PPP2R5C: variants seen among roughly 807,000 people sequenced by gnomAD.
The protein encoded by PPP2R5C is serine/threonine-protein phosphatase 2A 56 kDa regulatory subunit gamma isoform.
PPP2R5C carries 7 observed loss-of-function variants against 68.9 expected under a neutral mutation model. The observed-to-expected ratio is 0.10, with a 90% CI of 0.06 to 0.19. The LOEUF is 0.19. PPP2R5C is among the 10% of genes least tolerant of loss of function. The pLI, the probability that PPP2R5C is intolerant of heterozygous loss-of-function variation, is 1.00. For missense variants in PPP2R5C, 348 were observed against 641.3 expected (o/e 0.54, Z 4.94); for synonymous variants, 210 against 222.2 (o/e 0.95, Z 0.49).
At chr14:101,846,256 G>GC (rs1052301724) in intron 1 of PPP2R5C, among the ~76,000 whole-genome samples, 6 of 152,180 alleles carry the variant, frequency 3.9e-5, no homozygotes, top group African/African-American at 1.2e-4. Flanking sequence ...AGAAACCTGA[G>GC]CAGAGGCACA....
At chr14:101,901,619 C>A in intron 8 of PPP2R5C, 100 bp from the exon 11 acceptor site, 1 of 1,206,690 alleles carries the variant, frequency 8.3e-7, no homozygotes. Context: ...CCGTGTGTTG[C>A]CTTGCAGTGG....
chr14:101,816,910 A>AC (rs1491402836), intron 1 of PPP2R5C, among the ~76,000 whole-genome samples: 1 of 138,962 alleles, frequency 7.2e-6, no homozygotes, highest in South Asian at 2.2e-4. Context: ...ATATATATAT[A>AC]ATATATATAT....
At chr14:101,880,261 T>C (rs1012356331) in intron 2 of PPP2R5C, among the ~76,000 whole-genome samples, 9 of 152,272 alleles carry the variant, frequency 5.9e-5, no homozygotes, top group African/African-American at 2.2e-4. Flanking sequence ...CTCATACTTT[T>C]ACTAGAAGTG....
chr14:101,783,675 C>G (rs1409215132), intron 2 of PPP2R5C, among the ~76,000 whole-genome samples: 1 of 152,212 alleles, frequency 6.6e-6, no homozygotes, highest in Non-Finnish European at 1.5e-5. Context: ...TCCCAGCCCC[C>G]TAGGCTGGGC....
chr14:101,904,276 A>G (rs2045894027), intron 9 of PPP2R5C, among the ~76,000 whole-genome samples: 1 of 151,922 alleles, frequency 6.6e-6, no homozygotes, highest in African/African-American at 2.4e-5. Context: ...CAGCCTCCCA[A>G]GTAGCTGGGA....
upstream of PPP2R5C, among the ~76,000 whole-genome samples, chr14:101,809,544 T>A (rs1156732425): frequency 1.4e-5 from 2 of 145,048 alleles, no homozygotes; most frequent in Non-Finnish European, 3.0e-5. Flanking sequence ...CACAGACATA[T>A]ACACACACTT....
Position 101,917,897 on chromosome 14 carries a change from T to TTC in PPP2R5C, c.1394_1395insCT (p.Glu466LeufsTer7). The TTC allele has an allele frequency of 1.9e-6, 3 of 1,613,824 alleles. No individual in the cohort carries two copies. The highest frequency in any genetic ancestry group is 2.5e-6 in the Non-Finnish European group (3 of 1,179,828). On this transcript the variant is annotated frameshift_variant, in exon 13 of 14. Transcript: ENST00000334743. LOFTEE classifies it high-confidence loss of function. This position sits in a 1 kb window ranked among gnomAD's most constrained non-coding sequence, Gnocchi z 4.4. Reference sequence around the variant, plus strand: ...TGCAATGGAGACAGATGGGCCTTTATTTGAAGATGTGCAGATGCTGAGAAA... The same window carrying TTC: ...TGCAATGGAGACAGATGGGCCTTTATTCTTGAAGATGTGCAGATGCTGAGAAA...
At chr14:101,920,672 A>G (rs1206985181) in intron 13 of PPP2R5C, among the ~76,000 whole-genome samples, 2 of 152,362 alleles carry the variant, frequency 1.3e-5, no homozygotes, top group African/African-American at 2.4e-5. Flanking sequence ...TAAAATTCAC[A>G]TGGAAATGCA....
chr14:101,847,316 T>C (rs1032336883), intron 1 of PPP2R5C, among the ~76,000 whole-genome samples: 2 of 152,214 alleles, frequency 1.3e-5, no homozygotes, highest in Non-Finnish European at 2.9e-5. Flanking sequence ...GGAAAATTGA[T>C]TTTCCAGGAG....
chr14:101,791,447 A>G (rs72715643), intron 3 of PPP2R5C, among the ~76,000 whole-genome samples: 5,829 of 152,346 alleles, frequency 0.038, 169 homozygotes, highest in Middle Eastern at 0.068. Flanking sequence ...AATAAAATAC[A>G]GTAAAAATAA....
At chr14:101,911,321 G>A (rs1261488001) in intron 11 of PPP2R5C, among the ~76,000 whole-genome samples, 1 of 152,134 alleles carries the variant, frequency 6.6e-6, no homozygotes, top group Non-Finnish European at 1.5e-5. Context: ...GGGTAGTGTG[G>A]GGAAATAAAA....
chr14:101,760,948 G>T (rs1241449382), upstream of PPP2R5C, among the ~76,000 whole-genome samples: 78 of 103,774 alleles, frequency 7.5e-4, no homozygotes, highest in Non-Finnish European at 1.3e-3. Flanking sequence ...AAGAGGAGGG[G>T]AGGGGACGGG....
chr14:101,912,521 T>C (rs769105671), intron 12 of PPP2R5C, 48 bp downstream of exon 14: 2 of 1,560,324 alleles, frequency 1.3e-6, no homozygotes, highest in African/African-American at 1.4e-5. Context: ...TACTTGAATG[T>C]TTTTATAAGA....
chr14:101,857,950 G>A (rs138286603), intron 2 of PPP2R5C, among the ~76,000 whole-genome samples: 1 of 152,218 alleles, frequency 6.6e-6, no homozygotes, highest in East Asian at 1.9e-4. Context: ...TGAAAGTAAT[G>A]TTCTTCGTTG....
intron 3 of PPP2R5C, among the ~76,000 whole-genome samples, chr14:101,787,210 A>T (rs1360123168): frequency 6.6e-6 from 1 of 152,250 alleles, no homozygotes. Context: ...TGATCGTGCC[A>T]CTGCACTTCA....
chr14:101,838,794 A>T (rs1157411517), intron 1 of PPP2R5C, among the ~76,000 whole-genome samples: 1 of 152,244 alleles, frequency 6.6e-6, no homozygotes, highest in Non-Finnish European at 1.5e-5. Flanking sequence ...CTGTAATCCC[A>T]GCACTCTGGG....
chr14:101,918,535 G>A (rs1384457407), intron 13 of PPP2R5C, among the ~76,000 whole-genome samples: 2 of 11,952 alleles, frequency 1.7e-4, no homozygotes, highest in Non-Finnish European at 1.6e-4. Context: ...CATCCCCCTC[G>A]CTCCTCTCGC....
chr14:101,840,808 A>G (rs748200464), intron 1 of PPP2R5C, among the ~76,000 whole-genome samples: 4 of 152,168 alleles, frequency 2.6e-5, no homozygotes, highest in Non-Finnish European at 5.9e-5. Context: ...AGAACCAGAC[A>G]TTGTCAAATT....
chr14:101,832,795 G>A (rs562961532), intron 1 of PPP2R5C, among the ~76,000 whole-genome samples: 2 of 152,304 alleles, frequency 1.3e-5, no homozygotes, highest in Admixed American at 6.5e-5. Flanking sequence ...CAGTCTTTGC[G>A]TGTCATGCCC....
Sources: allele counts gnomAD v4.1 joint callset (sites outside exome capture counted in the v4.1 genomes callset), GRCh38; gene constraint gnomAD v4.1.1; non-coding constraint Gnocchi (gnomAD v3.1); transcripts MANE v1.5; gene names NCBI Gene and HGNC (gene_info 2026-07-23, HGNC 2026-07-21).